COL21A1: variants seen among roughly 807,000 people sequenced by gnomAD.
COL21A1 encodes the protein collagen alpha-1(XXI) chain.
A neutral mutation model predicts 137.9 loss-of-function variants in COL21A1; 149 were observed. That is an observed-to-expected ratio of 1.08 (90% CI 0.95 to 1.24). The LOEUF is 1.24. Among genes scored for constraint, COL21A1 ranks in the 50% most tolerant of loss-of-function variants. The pLI is 0.00. For synonymous variants in COL21A1, 456 were observed against 391.5 expected, an observed-to-expected ratio of 1.16 and a Z score of -1.95; for missense variants, 1,167 against 1,158.4, an observed-to-expected ratio of 1.01 and a Z score of -0.11.
At chr6:56,212,541 C>A (rs1433700365) in intron 1 of COL21A1, among the ~76,000 whole-genome samples, 1 of 151,976 alleles carries the variant, frequency 6.6e-6, no homozygotes, top group Non-Finnish European at 1.5e-5. Context: ...TCTTTCTAAA[C>A]TTGAAACTTT....
chr6:56,226,461 T>A (rs1781202521), intron 1 of COL21A1, among the ~76,000 whole-genome samples: 1 of 152,082 alleles, frequency 6.6e-6, no homozygotes, highest in Non-Finnish European at 1.5e-5. Flanking sequence ...TTAAAAGCTT[T>A]ATATATTATA....
chr6:56,204,345 AC>A (rs1779613383), intron 1 of COL21A1, among the ~76,000 whole-genome samples: 1 of 152,142 alleles, frequency 6.6e-6, no homozygotes, highest in Non-Finnish European at 1.5e-5. Context: ...CACAGTGTAA[AC>A]AAAGCCAGAG....
At chr6:56,366,094 G>C (rs1208464211) in intron 1 of COL21A1, among the ~76,000 whole-genome samples, 2 of 152,162 alleles carry the variant, frequency 1.3e-5, no homozygotes, top group African/African-American at 2.4e-5. Flanking sequence ...ATTTACCCTT[G>C]TATGTTATGG....
chr6:56,088,314 A>C (rs2114189323), intron 17 of COL21A1, among the ~76,000 whole-genome samples: 1 of 152,244 alleles, frequency 6.6e-6, no homozygotes, highest in Non-Finnish European at 1.5e-5. Context: ...CAGTGAGCTG[A>C]GATTGCGCCA....
intron 1 of COL21A1, among the ~76,000 whole-genome samples, chr6:56,232,096 C>T (rs889540639): frequency 3.3e-5 from 5 of 151,736 alleles, no homozygotes; most frequent in Admixed American, 2.0e-4. Flanking sequence ...GTACATATAA[C>T]CTTAAATTGT....
At chr6:56,173,602 A>C (rs536021168) in intron 3 of COL21A1, among the ~76,000 whole-genome samples, 2 of 152,338 alleles carry the variant, frequency 1.3e-5, no homozygotes, top group South Asian at 4.1e-4. Context: ...AACTATAACA[A>C]GAGACAAAGA....
At chr6:56,195,287 T>C (rs1193841204) in intron 1 of COL21A1, among the ~76,000 whole-genome samples, 1 of 152,214 alleles carries the variant, frequency 6.6e-6, no homozygotes, top group Non-Finnish European at 1.5e-5. Context: ...CCATAGACCA[T>C]ACTTTGTGTA....
intron 17 of COL21A1, among the ~76,000 whole-genome samples, chr6:56,097,185 A>G (rs2114232738): frequency 6.6e-6 from 1 of 152,222 alleles, no homozygotes; most frequent in East Asian, 1.9e-4. Context: ...CTATTCATCA[A>G]GAAAGAGAGG....
intron 1 of COL21A1, among the ~76,000 whole-genome samples, chr6:56,322,718 C>T (rs1225303049): frequency 6.6e-6 from 1 of 151,732 alleles, no homozygotes; most frequent in Non-Finnish European, 1.5e-5. Context: ...TTTGGTTGAC[C>T]CTTATTTTGT....
chr6:56,167,781 A>G (rs939121750), intron 6 of COL21A1, among the ~76,000 whole-genome samples: 2 of 152,200 alleles, frequency 1.3e-5, no homozygotes, highest in African/African-American at 4.8e-5. Flanking sequence ...ACATTTTTAT[A>G]GCCCCACTTA....
intron 1 of COL21A1, among the ~76,000 whole-genome samples, chr6:56,335,266 C>T (rs952297384): frequency 6.6e-6 from 1 of 152,042 alleles, no homozygotes; most frequent in Non-Finnish European, 1.5e-5. Context: ...AATGGCCAGG[C>T]TAGATATAAA....
chr6:56,169,559 G>A (rs1435294930), intron 5 of COL21A1, among the ~76,000 whole-genome samples: 4 of 151,768 alleles, frequency 2.6e-5, no homozygotes, highest in Non-Finnish European at 4.4e-5. Flanking sequence ...TGTAAACACA[G>A]GAGAGTCACT....
intron 1 of COL21A1, among the ~76,000 whole-genome samples, chr6:56,342,818 T>C (rs1765501861): frequency 6.6e-6 from 1 of 152,222 alleles, no homozygotes; most frequent in Non-Finnish European, 1.5e-5. Context: ...CTTTCTTCCA[T>C]GCTCATACTT....
intron 12 of COL21A1, among the ~76,000 whole-genome samples, chr6:56,132,464 G>T (rs993707306): frequency 6.6e-6 from 1 of 152,160 alleles, no homozygotes; most frequent in Non-Finnish European, 1.5e-5. Context: ...GTCAGATCAT[G>T]AAGTGACAAT....
At chr6:56,288,500 A>G (rs73459047) in intron 1 of COL21A1, among the ~76,000 whole-genome samples, 3,606 of 152,322 alleles carry the variant, frequency 0.024, 153 homozygotes, top group African/African-American at 0.082. Flanking sequence ...TAAATTTTAA[A>G]ATGACTCAGT....
rs77678281 is a variant in COL21A1, at chr6:56,185,015, T to C, written c.-38-2359A>G. Among the ~76,000 whole-genome samples the C allele has an allele frequency of 8.2e-3, 1,252 of 151,960 alleles. 20 individuals carry two copies. The highest frequency in any genetic ancestry group is 0.029 in the African/African-American group (1,207 of 41,484). ...GAGTTTTAAAAAGTCAAAGGAAAAGTTTTTAAATATTTCAAACTGAATAAT... is the reference window on the plus strand; with the variant it reads ...GAGTTTTAAAAAGTCAAAGGAAAAGCTTTTAAATATTTCAAACTGAATAAT... On this transcript the variant is annotated intron_variant, in intron 1 of 29. Coordinates refer to ENST00000244728, the MANE Select transcript of COL21A1 (RefSeq NM_030820.4).
intron 1 of COL21A1, among the ~76,000 whole-genome samples, chr6:56,325,271 A>G (rs140812633): frequency 3.1e-4 from 18 of 57,164 alleles, no homozygotes; most frequent in African/African-American, 1.2e-3. Flanking sequence ...AATATTATGT[A>G]TATTATATAA....
At chr6:56,357,454 A>C (rs773215790) in intron 1 of COL21A1, among the ~76,000 whole-genome samples, 7 of 152,246 alleles carry the variant, frequency 4.6e-5, no homozygotes, top group Non-Finnish European at 8.8e-5. Context: ...AGGTGAAAGA[A>C]ATACACAAGA....
chr6:56,121,186 TAGA>T (rs1487925847), intron 16 of COL21A1, among the ~76,000 whole-genome samples: 2 of 151,966 alleles, frequency 1.3e-5, no homozygotes, highest in Non-Finnish European at 2.9e-5. Flanking sequence ...GCATAGAGGG[TAGA>T]AGGATGGTTA....
Sources: gnomAD v4.1 joint callset for allele counts (sites outside exome capture counted in the v4.1 genomes callset) on GRCh38, gnomAD v4.1.1 for gene constraint, MANE v1.5 for transcripts, NCBI Gene and HGNC (gene_info 2026-07-23, HGNC 2026-07-21) for gene names.